The following CD44 variants were observed in gnomAD, a reference collection of about 807,000 sequenced individuals.
CD44 encodes the protein CD44 molecule (IN blood group).
CD44 carries 49 observed loss-of-function variants against 88.8 expected under a neutral mutation model. The ratio of observed to expected loss-of-function variants is 0.55; its 90% CI spans 0.44 to 0.70. The LOEUF is 0.70. Among genes scored for constraint, CD44 ranks in the 30% least tolerant of loss-of-function variants. The pLI is 0.00. For synonymous variants in CD44, 325 were observed against 312.3 expected (o/e 1.04, Z -0.43); for missense variants, 883 against 913.8 (o/e 0.97, Z 0.43).
chr11:35,158,894 A>G (rs1164922877), intron 1 of CD44, among the ~76,000 whole-genome samples: 2 of 152,160 alleles, frequency 1.3e-5, no homozygotes, highest in East Asian at 3.9e-4. Context: ...TTACTTGCAC[A>G]ATTACAGTCA....
intron 3 of CD44, 26 bp from the exon 4 acceptor site, chr11:35,186,806 C>T: frequency 7.1e-7 from 1 of 1,411,734 alleles, no homozygotes; most frequent in Non-Finnish European, 1.0e-6. Flanking sequence ...TTAAAGGGTT[C>T]TCATCCTTTT....
At chr11:35,170,041 C>A (rs930773614) in intron 1 of CD44, among the ~76,000 whole-genome samples, 1 of 152,144 alleles carries the variant, frequency 6.6e-6, no homozygotes, top group Non-Finnish European at 1.5e-5. Flanking sequence ...ACATAAGGCA[C>A]CTAATAAGTG....
In CD44 at chr11:35,206,208, C is replaced by G; in HGVS notation, c.1379C>G (p.Pro460Arg). Residue 460 changes from proline (P) to arginine (R), a missense_variant, in exon 11 of 18, where the codon CCC becomes CGC. Coordinates refer to ENST00000428726, the MANE Select transcript of CD44 (RefSeq NM_000610.4). ...GATTTCTTCAACCCAATCTCACACC[C>G]CATGGGACGAGGTCATCAAGCAGGA... ...WTDFFNPISHPMGRGHQAGRR... is the reference protein window; with the variant it reads ...WTDFFNPISHRMGRGHQAGRR... 2 of 1,611,442 alleles carry G rather than the reference C, an allele frequency of 1.2e-6. No homozygotes were observed. The highest frequency in any genetic ancestry group is 1.7e-6 in the Non-Finnish European group (2 of 1,178,698).
chr11:35,150,962 C>T (rs183525354), intron 1 of CD44, among the ~76,000 whole-genome samples: 82 of 152,260 alleles, frequency 5.4e-4, no homozygotes, highest in Non-Finnish European at 1.0e-3. Context: ...CCTCAGGGAG[C>T]TTACCATTTG....
intron 3 of CD44, among the ~76,000 whole-genome samples, chr11:35,186,546 G>T (rs551820920): frequency 3.6e-4 from 55 of 152,174 alleles, no homozygotes; most frequent in Non-Finnish European, 6.6e-4. Context: ...GTACCCCCAG[G>T]CTTCCACAGT....
intron 1 of CD44, among the ~76,000 whole-genome samples, chr11:35,168,742 T>G (rs353648): frequency 0.16 from 23,615 of 152,232 alleles, 2,000 homozygotes; most frequent in Admixed American, 0.21. Context: ...ACGTCTGGTC[T>G]GGAGAACTGA....
At chr11:35,163,251 CTT>C (rs370904904) in intron 1 of CD44, among the ~76,000 whole-genome samples, 9 of 146,402 alleles carry the variant, frequency 6.1e-5, no homozygotes, top group Non-Finnish European at 6.1e-5. Context: ...AATGATTTAC[CTT>C]TTTTTTTTTT....
At chr11:35,169,325 C>T (rs1943627201) in intron 1 of CD44, among the ~76,000 whole-genome samples, 1 of 151,842 alleles carries the variant, frequency 6.6e-6, no homozygotes, top group East Asian at 1.9e-4. Context: ...TACTAGAGAC[C>T]TTGAAGATAA....
rs560488633 is a variant in CD44 at position 35,229,922 on chromosome 11, C to T, written c.*589C>T. On this transcript the variant is annotated 3_prime_UTR_variant, in exon 18 of 18. Transcript: ENST00000428726. ...TATCTGTGTTTTTGAAATATTAAAC[C>T]CTGGATCAGTCCTTTGATCAGTATA... The T allele has an allele frequency of 1.0e-3, 155 of 153,194 alleles. 6 individuals carry two copies. The South Asian group carries it at 0.014, about 14-fold the overall frequency. 9.5% of individuals were successfully genotyped at this position (153,194 alleles called of 1,614,324 possible).
At chr11:35,159,936 T>C (rs1478852709) in intron 1 of CD44, among the ~76,000 whole-genome samples, 1 of 152,182 alleles carries the variant, frequency 6.6e-6, no homozygotes, top group Non-Finnish European at 1.5e-5. Context: ...AGAAACTGGA[T>C]TTTTCTGGCT....
chr11:35,193,077 T>C (rs972869823), intron 5 of CD44, among the ~76,000 whole-genome samples: 1 of 152,126 alleles, frequency 6.6e-6, no homozygotes, highest in African/African-American at 2.4e-5. Flanking sequence ...TGCTCAGGTT[T>C]GTCTGGAGGC....
At chr11:35,175,435 T>A (rs1944347335) in intron 1 of CD44, among the ~76,000 whole-genome samples, 1 of 152,172 alleles carries the variant, frequency 6.6e-6, no homozygotes. Context: ...TATGCAAGCA[T>A]ATGTGTGAGT....
At chr11:35,223,214 T>G in intron 17 of CD44, 2 of 985,324 alleles carry the variant, frequency 2.0e-6, no homozygotes, top group Non-Finnish European at 2.4e-6. Context: ...TTTAGTTGAA[T>G]TTAAATAATG....
intron 16 of CD44, 113 bp from the exon 17 acceptor site, chr11:35,221,541 C>T (rs1373251639): frequency 2.3e-6 from 2 of 873,288 alleles, no homozygotes; most frequent in Non-Finnish European, 3.9e-6. Flanking sequence ...CCAGACCCCC[C>T]TGCAGCGCTG....
intron 1 of CD44, among the ~76,000 whole-genome samples, chr11:35,158,459 T>A (rs1024381733): frequency 2.0e-5 from 3 of 152,204 alleles, no homozygotes; most frequent in African/African-American, 7.2e-5. Context: ...TTCTCTTCTC[T>A]AAAATAGAGT....
chr11:35,200,815 T>C (rs1947240945), intron 7 of CD44, among the ~76,000 whole-genome samples: 1 of 152,186 alleles, frequency 6.6e-6, no homozygotes, highest in African/African-American at 2.4e-5. Context: ...CTGCTGCAGC[T>C]TCTTTGACTG....
Position 35,139,932 on chromosome 11 carries a change from C to A in CD44, c.67+562C>A, listed in dbSNP as rs370556156. Among the ~76,000 whole-genome samples, 4 of 152,246 alleles carry A rather than the reference C, an allele frequency of 2.6e-5. No individual in the cohort carries two copies. The South Asian group carries it at 8.3e-4, about 32-fold the overall frequency. On this transcript the variant is annotated intron_variant, in intron 1 of 17. Transcript: ENST00000428726. ...GAGCCTTGTTCCAAAGCTTACAGTC[C>A]GCAGTGTCACTGCCACCTTAGCGCT...
At chr11:35,180,117 A>C (rs891390608) in intron 2 of CD44, among the ~76,000 whole-genome samples, 157 bp from the exon 3 acceptor site, 3 of 151,896 alleles carry the variant, frequency 2.0e-5, no homozygotes, top group Non-Finnish European at 4.4e-5. Flanking sequence ...CTATGCTGTT[A>C]TTTTTGGATT....
intron 1 of CD44, among the ~76,000 whole-genome samples, chr11:35,150,634 A>G (rs1215663238): frequency 6.6e-6 from 1 of 152,242 alleles, no homozygotes; most frequent in African/African-American, 2.4e-5. Context: ...TCCACTGACC[A>G]TTAGCTGAAA....
Sources: gnomAD v4.1 joint callset for allele counts (sites outside exome capture counted in the v4.1 genomes callset) on GRCh38, gnomAD v4.1.1 for gene constraint, MANE v1.5 for transcripts, NCBI Gene and HGNC (gene_info 2026-07-23, HGNC 2026-07-21) for gene names.